MAP3K3: variants seen among roughly 807,000 people sequenced by gnomAD.
MAP3K3 encodes MAP/ERK kinase kinase 3.
Under a neutral mutation model 80.9 loss-of-function variants are expected in MAP3K3, and 12 were observed. That is an observed-to-expected ratio of 0.15 (90% CI 0.10 to 0.24). The LOEUF is 0.24. MAP3K3 is among the 10% of genes least tolerant of loss of function. The pLI is 1.00. For missense variants in MAP3K3, 596 were observed against 834.7 expected (o/e 0.71, Z 3.52); for synonymous variants, 272 against 307.1 (o/e 0.89, Z 1.19).
intron 6 of MAP3K3, among the ~76,000 whole-genome samples, chr17:63,669,627 G>T (rs2035064787): frequency 6.6e-6 from 1 of 152,048 alleles, no homozygotes; most frequent in Non-Finnish European, 1.5e-5. Context: ...GCTAATTTTT[G>T]TGTTTTTAGT....
chr17:63,632,439 C>T (rs2034235543), intron 1 of MAP3K3, among the ~76,000 whole-genome samples: 1 of 152,152 alleles, frequency 6.6e-6, no homozygotes, highest in South Asian at 2.1e-4. Context: ...CTGCAGTGAG[C>T]TATGATCACG....
At chr17:63,660,768 T>G (rs1052486720) in intron 5 of MAP3K3, among the ~76,000 whole-genome samples, 1 of 151,232 alleles carries the variant, frequency 6.6e-6, no homozygotes, top group African/African-American at 2.4e-5. Context: ...AATTTTGTAT[T>G]TTTTTTTAGT....
chr17:63,636,097 G>T (rs1335890650), intron 2 of MAP3K3, among the ~76,000 whole-genome samples: 2 of 152,218 alleles, frequency 1.3e-5, no homozygotes, highest in African/African-American at 2.4e-5. Flanking sequence ...AGCCAGAGGA[G>T]CTGTGGGTTC....
intron 11 of MAP3K3, 61 bp from the exon 12 acceptor site, chr17:63,690,203 A>G (rs1355130073): frequency 3.8e-6 from 6 of 1,558,874 alleles, no homozygotes; most frequent in Non-Finnish European, 5.2e-6. Flanking sequence ...TTCCTGGAGA[A>G]TGAATGGGAT....
chr17:63,654,068 C>T (rs958289638), intron 4 of MAP3K3, among the ~76,000 whole-genome samples: 1 of 152,180 alleles, frequency 6.6e-6, no homozygotes, highest in African/African-American at 2.4e-5. Flanking sequence ...AGGGTTTCAC[C>T]ATGTTGCCCA....
In MAP3K3 at chr17:63,689,707, T is replaced by G; in HGVS notation, c.1035T>G (p.Ser345=). The G allele has an allele frequency of 6.2e-7, 1 of 1,613,726 alleles. No homozygotes were observed. The highest frequency in any genetic ancestry group is 2.2e-5 in the East Asian group (1 of 44,870). Residue 345 remains serine (S), a synonymous_variant, in exon 11 of 16, where the codon TCT becomes TCG. Coordinates refer to ENST00000361733, the MANE Select transcript of MAP3K3 (RefSeq NM_002401.5). The surrounding 1 kb of genome is among the most constrained non-coding windows in gnomAD (Gnocchi z 4.3). ...LRSADSENAL[S]VQERNVPTKS... ...GTGCGGACAGCGAGAATGCCCTCTC[T>G]GTGCAGGAGAGGAATGTGCCAACCA...
chr17:63,689,721 A>G lies in MAP3K3; in HGVS notation c.1049A>G (p.Asn350Ser), dbSNP rs772222539. 6.8e-6 allele frequency: 11 copies of G among 1,613,072 alleles called. No homozygotes were observed. In the Admixed American group the frequency reaches 1.8e-4, roughly 27 times the overall value. ...AATGCCCTCTCTGTGCAGGAGAGGA[A>G]TGTGCCAACCAAGTGTGAGGAGCTG... ...SENALSVQER[N>S]VPTKSPSAPI... Residue 350 changes from asparagine to serine, a missense_variant, in exon 11 of 16, where the codon AAT (asparagine) becomes AGT (serine). Physicochemically the swap from Asn to Ser is conservative, Grantham distance 46. Around this residue, in one of 2 missense-constraint regions of MAP3K3, gnomAD observed 364 missense variants for 588.9 expected, o/e 0.62. Transcript: ENST00000361733. This position sits in a 1 kb window ranked among gnomAD's most constrained non-coding sequence, Gnocchi z 4.3.
At chr17:63,629,051 C>T (rs1371244517) in intron 1 of MAP3K3, among the ~76,000 whole-genome samples, 2 of 152,036 alleles carry the variant, frequency 1.3e-5, no homozygotes, top group African/African-American at 4.8e-5. Context: ...ATGATTTGCT[C>T]AGGGCCTCCT....
rs2143294518 is a variant in MAP3K3 at position 63,646,166 on chromosome 17, C to T, written c.167+92C>T. 3.5e-6 allele frequency: 4 copies of T among 1,138,814 alleles called. No homozygotes were observed. The South Asian group carries it at 3.8e-5, about 11-fold the overall frequency. The allele number at this position is 1,138,814 out of a possible 1,614,324, so 70.5% of individuals were successfully genotyped here. The stretch of plus-strand genomic sequence containing the variant: ...ATGGAAGTCATTCCCCTGTCCTGAT[C>T]CCTGTGGGGCCACTGGCTGGGTAAT... On this transcript the variant is annotated intron_variant, in intron 3 of 15. Transcript: ENST00000361733.
intron 7 of MAP3K3, among the ~76,000 whole-genome samples, chr17:63,685,253 A>G (rs1195175757): frequency 6.6e-6 from 1 of 152,204 alleles, no homozygotes; most frequent in Non-Finnish European, 1.5e-5. Flanking sequence ...ACATGCCAAC[A>G]AGAAAAGCAG....
In MAP3K3 at chr17:63,666,139, G is replaced by T. The variant is rs117180598; in HGVS notation, c.382-801G>T. Among the ~76,000 whole-genome samples, 34 of 152,294 alleles carry T rather than the reference G, an allele frequency of 2.2e-4. 1 individual carries two copies. In the East Asian group the frequency reaches 6.6e-3, roughly 29 times the overall value. On this transcript the variant is annotated intron_variant, in intron 5 of 15. Coordinates refer to ENST00000361733, the MANE Select transcript of MAP3K3 (RefSeq NM_002401.5). Reference sequence around the variant, plus strand: ...TTCTCTGGCGGCTGGACTGGGCCCAGTGGAAAGAGTGGGTGGGTGCTGGGA... The same window carrying T: ...TTCTCTGGCGGCTGGACTGGGCCCATTGGAAAGAGTGGGTGGGTGCTGGGA...
chr17:63,658,185 C>G (rs915372146), intron 5 of MAP3K3, among the ~76,000 whole-genome samples: 1 of 152,138 alleles, frequency 6.6e-6, no homozygotes, highest in African/African-American at 2.4e-5. Flanking sequence ...TTCTTGTGCT[C>G]TAAATTTATG....
intron 5 of MAP3K3, among the ~76,000 whole-genome samples, chr17:63,662,256 A>AC (rs1306332882): frequency 9.3e-5 from 14 of 151,304 alleles, no homozygotes; most frequent in African/African-American, 3.2e-4. Flanking sequence ...AAAAAAAAAA[A>AC]AAAAAACGAA....
chr17:63,662,650 ATTTTTT>A (rs1192833142), intron 5 of MAP3K3, among the ~76,000 whole-genome samples: 1 of 82,564 alleles, frequency 1.2e-5, no homozygotes, highest in Non-Finnish European at 2.2e-5. Context: ...AGAAGAGGGA[ATTTTTT>A]TTTTTTTTTT....
At chr17:63,642,487 G>C (rs2034461998) in intron 2 of MAP3K3, among the ~76,000 whole-genome samples, 1 of 151,918 alleles carries the variant, frequency 6.6e-6, no homozygotes, top group Admixed American at 6.6e-5. Context: ...GTGAAACCTT[G>C]TCTCTACTAA....
chr17:63,640,480 C>G (rs1246458699), intron 2 of MAP3K3, among the ~76,000 whole-genome samples: 1 of 152,128 alleles, frequency 6.6e-6, no homozygotes, highest in Non-Finnish European at 1.5e-5. Context: ...CCAAACAGTA[C>G]TACAAACTAA....
rs148273387 is a variant in MAP3K3 at position 63,636,754 on chromosome 17, G to A, written c.126+3952G>A. On this transcript the variant is annotated intron_variant, in intron 2 of 15. Coordinates refer to ENST00000361733, the MANE Select transcript of MAP3K3 (RefSeq NM_002401.5). ...CAATGACATTGACCTGTTTGTCAGC[G>A]ACAATGAGGAGGAAGACAAGGAGGC... 76 of 309,914 alleles carry A rather than the reference G, an allele frequency of 2.5e-4. 1 individual carries two copies. The highest frequency in any genetic ancestry group is 1.6e-3 in the African/African-American group (73 of 45,304). The allele number at this position is 309,914 out of a possible 1,614,324, so 19.2% of individuals were successfully genotyped here. A position where few individuals can be genotyped will look rare whatever the true frequency, so the allele number is the denominator to read the frequency against.
At chr17:63,655,477 T>C (rs908775464) in intron 4 of MAP3K3, among the ~76,000 whole-genome samples, 3 of 152,316 alleles carry the variant, frequency 2.0e-5, no homozygotes, top group South Asian at 4.1e-4. Context: ...TAAAGTGATA[T>C]GTCACTGTGA....
At chr17:63,661,208 G>A (rs1306659880) in intron 5 of MAP3K3, among the ~76,000 whole-genome samples, 3 of 152,094 alleles carry the variant, frequency 2.0e-5, no homozygotes, top group Admixed American at 6.6e-5. Flanking sequence ...CACCATGCCC[G>A]GCTAAGTTTT....
Sources: allele counts gnomAD v4.1 joint callset (sites outside exome capture counted in the v4.1 genomes callset), GRCh38; gene constraint gnomAD v4.1.1; regional missense constraint gnomAD v4.1.1; non-coding constraint Gnocchi (gnomAD v3.1); transcripts MANE v1.5; gene names NCBI Gene and HGNC (gene_info 2026-07-23, HGNC 2026-07-21).